AKAP6: variants seen among roughly 807,000 people sequenced by gnomAD.
AKAP6 encodes the protein A-kinase anchoring protein 6.
In AKAP6, 58 loss-of-function variants were observed where a neutral mutation model predicts 188.5. The observed-to-expected ratio is 0.31, with a 90% CI of 0.25 to 0.38. The LOEUF (loss-of-function observed/expected upper bound fraction) is 0.38. AKAP6 is among the 10% of genes least tolerant of loss of function. The pLI is 1.00. For synonymous variants in AKAP6, 989 were observed against 998.6 expected, an observed-to-expected ratio of 0.99 and a Z score of 0.18; for missense variants, 2,710 against 2,740.0, an observed-to-expected ratio of 0.99 and a Z score of 0.24.
chr14:32,707,111 A>T lies in AKAP6; in HGVS notation c.3000+11001A>T, dbSNP rs1225607811. Among the ~76,000 whole-genome samples, 4 of 152,148 alleles carry T rather than the reference A, an allele frequency of 2.6e-5. 1 individual carries two copies. In the East Asian group the frequency reaches 7.7e-4, roughly 29 times the overall value. ...GGAAGTCTGTGGAGGAAGTACACACACATAAAATGTGTTTATTCACATACA... is the reference window on the plus strand; with the variant it reads ...GGAAGTCTGTGGAGGAAGTACACACTCATAAAATGTGTTTATTCACATACA... On this transcript the variant is annotated intron_variant, in intron 9 of 13. Coordinates refer to ENST00000280979, the MANE Select transcript of AKAP6 (RefSeq NM_004274.5).
chr14:32,746,367 G>T (rs529112215), intron 11 of AKAP6, among the ~76,000 whole-genome samples: 1 of 152,244 alleles, frequency 6.6e-6, no homozygotes, highest in South Asian at 2.1e-4. Context: ...GGTTCAAAGG[G>T]TCTACAGTTA....
intron 11 of AKAP6, among the ~76,000 whole-genome samples, chr14:32,758,356 C>A (rs1229250106): frequency 1.3e-5 from 2 of 152,174 alleles, no homozygotes; most frequent in Non-Finnish European, 2.9e-5. Flanking sequence ...TGTGGGTTAT[C>A]CTTGATGGCT....
chr14:32,522,791 G>A lies in AKAP6; in HGVS notation c.325-12763G>A, dbSNP rs139400352. Among the ~76,000 whole-genome samples the A allele has an allele frequency of 6.9e-3, 1,047 of 152,166 alleles. 9 individuals are homozygous for A. The highest frequency in any genetic ancestry group is 9.2e-3 in the Non-Finnish European group (626 of 68,000). On this transcript the variant is annotated intron_variant, in intron 2 of 13. Coordinates refer to ENST00000280979, the MANE Select transcript of AKAP6 (RefSeq NM_004274.5). The stretch of plus-strand genomic sequence containing the variant: ...GTGGAAGACAGTGTGGCGATTCCTC[G>A]GGGATCTAGAACTAGAAATACCATT...
At chr14:32,548,807 T>G (rs1883323187) in intron 4 of AKAP6, among the ~76,000 whole-genome samples, 1 of 152,214 alleles carries the variant, frequency 6.6e-6, no homozygotes, top group Non-Finnish European at 1.5e-5. Context: ...GCCGGGAAAC[T>G]ATAAGATAGG....
At chr14:32,772,119 C>T (rs1027783261) in intron 11 of AKAP6, among the ~76,000 whole-genome samples, 5 of 151,818 alleles carry the variant, frequency 3.3e-5, no homozygotes, top group African/African-American at 4.8e-5. Context: ...AGAACATGCA[C>T]GTGGGGTTGA....
At chr14:32,758,942 GAGCTCAACT>G (rs2032443111) in intron 11 of AKAP6, among the ~76,000 whole-genome samples, 3 of 152,108 alleles carry the variant, frequency 2.0e-5, no homozygotes, top group Admixed American at 2.0e-4. Context: ...TTACTTTTGG[GAGCTCAACT>G]CAGCATAGAG....
intron 1 of AKAP6, among the ~76,000 whole-genome samples, chr14:32,333,071 G>T (rs1458276844): frequency 6.6e-6 from 1 of 152,072 alleles, no homozygotes; most frequent in Non-Finnish European, 1.5e-5. Flanking sequence ...ATTCCACAGG[G>T]CTCATTAGCC....
intron 12 of AKAP6, among the ~76,000 whole-genome samples, chr14:32,788,489 A>G (rs2033499830): frequency 1.3e-5 from 2 of 152,208 alleles, no homozygotes; most frequent in South Asian, 4.1e-4. Context: ...CTAACTAAGC[A>G]AACAACTCAA....
chr14:32,603,923 T>G (rs749685978), intron 7 of AKAP6, among the ~76,000 whole-genome samples: 2 of 151,928 alleles, frequency 1.3e-5, no homozygotes, highest in Non-Finnish European at 2.9e-5. Context: ...AATAAAAAAA[T>G]AAGAATACAT....
intron 11 of AKAP6, among the ~76,000 whole-genome samples, chr14:32,761,774 T>C (rs2032548768): frequency 6.6e-6 from 1 of 152,166 alleles, no homozygotes; most frequent in African/African-American, 2.4e-5. Flanking sequence ...CCGTACCCTC[T>C]CATACTGAAT....
chr14:32,443,935 G>A (rs1339733866), intron 2 of AKAP6, among the ~76,000 whole-genome samples: 1 of 152,070 alleles, frequency 6.6e-6, no homozygotes, highest in African/African-American at 2.4e-5. Context: ...AAACATCTTT[G>A]TATAGGCAAA....
In AKAP6 at chr14:32,401,593, C is replaced by T. The variant is rs988712933; in HGVS notation, c.-34-31867C>T. Among the ~76,000 whole-genome samples, 4 of 152,144 alleles carry T rather than the reference C, an allele frequency of 2.6e-5. No homozygotes were observed. In the East Asian group the frequency reaches 5.8e-4, roughly 22 times the overall value. On this transcript the variant is annotated intron_variant, in intron 1 of 13. Transcript: ENST00000280979. The stretch of plus-strand genomic sequence containing the variant: ...CATCTCATTTCTACATGTGGGACTG[C>T]AGGATCCATTTCTAGTTGAATGCAT...
At chr14:32,827,993 G>A (rs2034716956) in intron 13 of AKAP6, among the ~76,000 whole-genome samples, 1 of 152,046 alleles carries the variant, frequency 6.6e-6, no homozygotes, top group Admixed American at 6.6e-5. Flanking sequence ...GTGTTTTGGG[G>A]GGTGGGTTGA....
chr14:32,549,835 G>A (rs1055811103), intron 4 of AKAP6, among the ~76,000 whole-genome samples: 1 of 152,188 alleles, frequency 6.6e-6, no homozygotes, highest in Non-Finnish European at 1.5e-5. Context: ...AAGCAGTGTA[G>A]GCCCTGGTCT....
intron 7 of AKAP6, among the ~76,000 whole-genome samples, chr14:32,666,336 A>G (rs759702758): frequency 1.4e-4 from 22 of 151,778 alleles, no homozygotes; most frequent in Non-Finnish European, 3.2e-4. Flanking sequence ...TTATATTCTC[A>G]TCTGTTTTTA....
intron 1 of AKAP6, among the ~76,000 whole-genome samples, chr14:32,373,120 A>T (rs769659647): frequency 1.3e-5 from 2 of 151,866 alleles, no homozygotes; most frequent in Non-Finnish European, 2.9e-5. Context: ...TATAAGTGTA[A>T]CTGCCTAAGG....
chr14:32,514,013 A>G (rs2139033693), intron 2 of AKAP6, among the ~76,000 whole-genome samples: 1 of 152,326 alleles, frequency 6.6e-6, no homozygotes, highest in East Asian at 1.9e-4. Context: ...ACCATTATAA[A>G]CAAGTATTTG....
chr14:32,777,211 A>G (rs954738524), intron 12 of AKAP6, among the ~76,000 whole-genome samples: 1 of 152,216 alleles, frequency 6.6e-6, no homozygotes, highest in Non-Finnish European at 1.5e-5. Flanking sequence ...TACTCCCAGG[A>G]CAAAGCTCAA....
intron 1 of AKAP6, among the ~76,000 whole-genome samples, chr14:32,396,734 G>C (rs1888892317): frequency 6.6e-6 from 1 of 152,104 alleles, no homozygotes; most frequent in Non-Finnish European, 1.5e-5. Context: ...GGGAGCCTGA[G>C]GGTGAAGTTA....
Sources: allele counts gnomAD v4.1 joint callset (sites outside exome capture counted in the v4.1 genomes callset), GRCh38; gene constraint gnomAD v4.1.1; transcripts MANE v1.5; gene names NCBI Gene and HGNC (gene_info 2026-07-23, HGNC 2026-07-21).